Variants in CCND3 observed in about 807,000 individuals in gnomAD.
CCND3 encodes cyclin D3.
CCND3 carries 9 observed loss-of-function variants against 28.7 expected under a neutral mutation model. The ratio of observed to expected loss-of-function variants is 0.31; its 90% confidence interval spans 0.19 to 0.55. The LOEUF is 0.55. Ranked by LOEUF, CCND3 falls within the 20% of genes least tolerant of loss-of-function variation. The probability of loss-of-function intolerance (pLI) is 0.93; values close to 1 mark genes in which losing one functional copy is unlikely to be tolerated. For missense variants in CCND3, 315 were observed against 385.8 expected, an observed-to-expected ratio of 0.82 and a Z score of 1.54; for synonymous variants, 164 against 163.9, an observed-to-expected ratio of 1.00 and a Z score of 0.00.
At chr6:41,975,115 G>T (rs1408395569) in intron 1 of CCND3, among the ~76,000 whole-genome samples, 1 of 152,034 alleles carries the variant, frequency 6.6e-6, no homozygotes, top group Non-Finnish European at 1.5e-5. Context: ...GCTTCCAACA[G>T]AATTAGGGTA....
chr6:42,037,934 G>A (rs1005083155), intron 1 of CCND3, among the ~76,000 whole-genome samples: 1 of 151,432 alleles, frequency 6.6e-6, no homozygotes, highest in Non-Finnish European at 1.5e-5. Context: ...AGGAGGCTGA[G>A]GCACGAGAAT....
At position 41,938,377 on chromosome 6, in the gene CCND3, C is replaced by T. The variant is rs570791385; in HGVS notation, c.415-983G>A. On this transcript the variant is annotated intron_variant, in intron 2 of 4. Transcript: ENST00000372991. The surrounding 1 kb of genome is among the most constrained non-coding windows in gnomAD (Gnocchi z 4.6). ...AGGCCCCAGCCACAGCTGTCTCTCT[C>T]TTGGCCCCAGCTTAGGTGTCAGCCT... 1.3e-5 allele frequency: 2 copies of T among 152,306 alleles called. No individual in the cohort carries two copies. Among genetic ancestry groups the T allele is most frequent in the African/African-American group, 2.4e-5 (1 of 41,464 alleles). The allele number at this position is 152,306 out of a possible 1,614,324, so 9.4% of individuals were successfully genotyped here. A position where few individuals can be genotyped will look rare whatever the true frequency, so the allele number is the denominator to read the frequency against.
chr6:42,018,615 G>C (rs1380783359), intron 1 of CCND3: 2 of 152,036 alleles, frequency 1.3e-5, no homozygotes, highest in Non-Finnish European at 2.9e-5. Flanking sequence ...TCTCCAGTCG[G>C]GCCTGGTGGC....
At chr6:41,996,437 A>T (rs1223506931) in intron 1 of CCND3, among the ~76,000 whole-genome samples, 1 of 151,880 alleles carries the variant, frequency 6.6e-6, no homozygotes, top group Non-Finnish European at 1.5e-5. Context: ...GGTGTAAGCC[A>T]CCGCGCCCAG....
intron 1 of CCND3, among the ~76,000 whole-genome samples, chr6:42,016,593 C>CAT (rs1763522008): frequency 7.2e-6 from 1 of 138,576 alleles, no homozygotes; most frequent in African/African-American, 2.7e-5. Context: ...CTATCTATTA[C>CAT]TTTTTTTTTT....
At chr6:41,965,966 G>A (rs1761874973) in intron 1 of CCND3, among the ~76,000 whole-genome samples, 1 of 152,154 alleles carries the variant, frequency 6.6e-6, no homozygotes, top group African/African-American at 2.4e-5. Flanking sequence ...ACCTCCTGCT[G>A]TATGGGATAT....
intron 1 of CCND3, among the ~76,000 whole-genome samples, chr6:41,961,393 C>T (rs1380574319): frequency 6.6e-6 from 1 of 152,072 alleles, no homozygotes. Context: ...ATGGTGAAAC[C>T]TTATCTCTAC....
In CCND3 at chr6:41,941,417, G is replaced by T; in HGVS notation, c.198+35C>A. ...GCGGCCCCGGTGTGTCCAGACCCGG[G>T]AGCGGTGGGGGAGGGGGACGCGTCC... On this transcript the variant is annotated intron_variant, in intron 1 of 4. Coordinates refer to ENST00000372991, the MANE Select transcript of CCND3 (RefSeq NM_001760.5). This position sits in a 1 kb window ranked among gnomAD's most constrained non-coding sequence, Gnocchi z 6.1. The T allele has an allele frequency of 6.2e-7, 1 of 1,601,834 alleles. No homozygotes were observed. Among genetic ancestry groups the T allele is most frequent in the South Asian group, 1.1e-5 (1 of 89,688 alleles).
intron 1 of CCND3, among the ~76,000 whole-genome samples, chr6:42,009,335 G>C (rs1763269173): frequency 1.3e-5 from 2 of 152,206 alleles, no homozygotes; most frequent in Admixed American, 6.5e-5. Flanking sequence ...AATTGGGCCA[G>C]AAGCGGTGGC....
At chr6:41,982,970 A>T (rs1364931024) in intron 1 of CCND3, among the ~76,000 whole-genome samples, 4 of 152,164 alleles carry the variant, frequency 2.6e-5, no homozygotes, top group Non-Finnish European at 5.9e-5. Flanking sequence ...CCTAAATGTA[A>T]AATACAAAAC....
At chr6:41,953,635 C>T (rs561678125) in intron 1 of CCND3, among the ~76,000 whole-genome samples, 14 of 152,116 alleles carry the variant, frequency 9.2e-5, no homozygotes, top group African/African-American at 3.1e-4. Flanking sequence ...TGAACAGAAC[C>T]CAGGTTTTGT....
rs768583968 is a variant in CCND3, at chr6:41,936,499, C to T, written c.711+60G>A. ...GTTGGAGGTTTCCCTCTACTGGAGGCTCAGGGCATAGCACTACTTTATGAA... is the reference window on the plus strand; with the variant it reads ...GTTGGAGGTTTCCCTCTACTGGAGGTTCAGGGCATAGCACTACTTTATGAA... On this transcript the variant is annotated intron_variant, in intron 4 of 4. Transcript: ENST00000372991. The surrounding 1 kb of genome is among the most constrained non-coding windows in gnomAD (Gnocchi z 4.4). 6.9e-6 allele frequency: 11 copies of T among 1,589,586 alleles called. No homozygotes were observed. In the East Asian group the frequency reaches 2.5e-4, roughly 36 times the overall value.
rs937518703 is a variant in CCND3, at chr6:41,986,894, T to A, written c.-45-46309A>T. On this transcript the variant is annotated intron_variant, in intron 1 of 4. Transcript: ENST00000372988. ...ACTTTGGAAATGTTCTCCATAAGAA[T>A]CAGGCCCATACTTGCATGATTAATG... Among the ~76,000 whole-genome samples the A allele has an allele frequency of 2.6e-5, 4 of 152,064 alleles. 1 individual carries two copies. Among genetic ancestry groups the A allele is most frequent in the Non-Finnish European group, 5.9e-5 (4 of 67,978 alleles).
intron 1 of CCND3, among the ~76,000 whole-genome samples, chr6:41,958,401 C>T (rs555138498): frequency 7.9e-5 from 12 of 152,096 alleles, no homozygotes; most frequent in Non-Finnish European, 1.5e-4. Flanking sequence ...ACTCGAAAAC[C>T]CCTGCTAGGT....
At position 41,941,162 on chromosome 6, in the gene CCND3, CTG is replaced by C; in HGVS notation, c.198+288_198+289del. ...GGGAGGCGGAGGGAAGCGGGAGACG[CTG>C]TGAGAAGCCGAAGGGGAGAGAGTGT... On this transcript the variant is annotated intron_variant, in intron 1 of 4. Coordinates refer to ENST00000372991, the MANE Select transcript of CCND3 (RefSeq NM_001760.5). This position sits in a 1 kb window ranked among gnomAD's most constrained non-coding sequence, Gnocchi z 6.1. The C allele has an allele frequency of 6.9e-7, 1 of 1,457,444 alleles. No homozygotes were observed. The highest frequency in any genetic ancestry group is 9.0e-7 in the Non-Finnish European group (1 of 1,110,086). 90.3% of individuals were successfully genotyped at this position (1,457,444 alleles called of 1,614,324 possible). A position where few individuals can be genotyped will look rare whatever the true frequency, so the allele number is the denominator to read the frequency against.
At chr6:41,940,659 A>G in intron 1 of CCND3, 74 bp from the exon 2 acceptor site, 1 of 1,078,062 alleles carries the variant, frequency 9.3e-7, no homozygotes, top group Non-Finnish European at 1.4e-6. Context: ...GGAGCGCTGA[A>G]GTGAGGTGGG....
At chr6:42,003,338 C>A (rs1368234038) in intron 1 of CCND3, among the ~76,000 whole-genome samples, 2 of 150,824 alleles carry the variant, frequency 1.3e-5, no homozygotes, top group Non-Finnish European at 2.9e-5. Context: ...CAAGCCTGAC[C>A]AACATGGAGA....
chr6:41,972,240 A>AAAAAAAAAAAG (rs1554162050), intron 1 of CCND3, among the ~76,000 whole-genome samples: 4 of 99,760 alleles, frequency 4.0e-5, no homozygotes, highest in Admixed American at 1.2e-4. Context: ...AAAAAAAAAA[A>AAAAAAAAAAAG]AAAAGAAAAG....
At chr6:41,957,401 T>C (rs1327538542) in intron 1 of CCND3, among the ~76,000 whole-genome samples, 2 of 152,176 alleles carry the variant, frequency 1.3e-5, no homozygotes, top group Non-Finnish European at 2.9e-5. Flanking sequence ...CCAGCCCACC[T>C]CTGGGCCTTA....
Sources: gnomAD v4.1 joint callset for allele counts (sites outside exome capture counted in the v4.1 genomes callset) on GRCh38, gnomAD v4.1.1 for gene constraint, Gnocchi (gnomAD v3.1) non-coding constraint, MANE v1.5 for transcripts, NCBI Gene and HGNC (gene_info 2026-07-23, HGNC 2026-07-21) for gene names.